The following MTRFR variants were observed in gnomAD, a reference collection of about 807,000 sequenced individuals.
MTRFR encodes mitochondrial translation release factor in rescue.
MTRFR carries 10 observed loss-of-function variants against 11.9 expected under a neutral mutation model. That is an observed-to-expected ratio of 0.84 (90% CI 0.52 to 1.42). The LOEUF is 1.42. Ranked by LOEUF, MTRFR falls within the 40% of genes most tolerant of loss-of-function variation. The probability of loss-of-function intolerance (pLI) is 0.00; values close to 1 mark genes in which losing one functional copy is unlikely to be tolerated. For missense variants in MTRFR, 196 were observed against 197.9 expected, an observed-to-expected ratio of 0.99 and a Z score of 0.06; for synonymous variants, 77 against 79.1, an observed-to-expected ratio of 0.97 and a Z score of 0.14.
At chr12:123,254,083 C>G (rs572975845) in intron 2 of MTRFR, 127 bp downstream of exon 2, 1 of 1,149,816 alleles carries the variant, frequency 8.7e-7, no homozygotes, top group Admixed American at 2.3e-5. Flanking sequence ...CCACCCTCTA[C>G]CAGCCAGGCA....
intron 1 of MTRFR, among the ~76,000 whole-genome samples, chr12:123,234,521 G>A (rs1284242657): frequency 6.6e-6 from 1 of 152,054 alleles, no homozygotes; most frequent in African/African-American, 2.4e-5. Context: ...TCAGCCTCCC[G>A]AGTAGCCGGG....
At chr12:123,245,136 G>A (rs1685627195) in intron 1 of MTRFR, among the ~76,000 whole-genome samples, 3 of 150,708 alleles carry the variant, frequency 2.0e-5, no homozygotes, top group African/African-American at 7.3e-5. Context: ...TTTTGGTAGA[G>A]ACGGGGTTTC....
chr12:123,241,152 GT>G (rs112060198), intron 1 of MTRFR, among the ~76,000 whole-genome samples: 88,169 of 148,898 alleles, frequency 0.59, 30,073 homozygotes, highest in Non-Finnish European at 0.75. Flanking sequence ...TTTTTTTTTT[GT>G]TTTTGTTTTT....
At chr12:123,239,023 C>T (rs1420153558) in intron 1 of MTRFR, among the ~76,000 whole-genome samples, 1 of 152,184 alleles carries the variant, frequency 6.6e-6, no homozygotes, top group Non-Finnish European at 1.5e-5. Context: ...GTAATCCCAG[C>T]ACTTTGGAAG....
intron 1 of MTRFR, chr12:123,248,135 TTAGCAGTTTTTG>T (rs2048067605): frequency 6.6e-6 from 1 of 152,256 alleles, no homozygotes; most frequent in Admixed American, 6.5e-5. Context: ...AGAGCTCCTT[TTAGCAGTTTTTG>T]TAGCAGTGGC....
At chr12:123,239,603 C>T (rs533456854) in intron 1 of MTRFR, among the ~76,000 whole-genome samples, 1 of 152,006 alleles carries the variant, frequency 6.6e-6, no homozygotes, top group African/African-American at 2.4e-5. Flanking sequence ...GGGGTTTCAC[C>T]GTGTTAGCCA....
At chr12:123,254,504 G>A (rs1198021031) in intron 2 of MTRFR, 1 of 160,200 alleles carries the variant, frequency 6.2e-6, no homozygotes, top group Non-Finnish European at 1.4e-5. Context: ...TTTGGTAAAT[G>A]TCGGTGATAC....
intron 2 of MTRFR, chr12:123,254,289 G>A: frequency 3.3e-6 from 1 of 299,606 alleles, no homozygotes; most frequent in South Asian, 4.5e-5. Flanking sequence ...AGCAGTGGCT[G>A]ATAAAGGCAG....
chr12:123,245,869 C>G (rs559790173), intron 1 of MTRFR, among the ~76,000 whole-genome samples: 1 of 152,048 alleles, frequency 6.6e-6, no homozygotes, highest in Non-Finnish European at 1.5e-5. Flanking sequence ...GCTTGACTTC[C>G]TCTTTATGGA....
intron 1 of MTRFR, among the ~76,000 whole-genome samples, chr12:123,246,273 G>C (rs2048038513): frequency 6.6e-6 from 1 of 151,736 alleles, no homozygotes; most frequent in Non-Finnish European, 1.5e-5. Flanking sequence ...GGCTGGTCTT[G>C]AACTCCCAAT....
intron 1 of MTRFR, among the ~76,000 whole-genome samples, chr12:123,243,529 CAAAAAAA>C (rs55817401): frequency 1.0e-4 from 12 of 117,792 alleles, no homozygotes; most frequent in African/African-American, 3.5e-5. Context: ...GACTCCGTCT[CAAAAAAA>C]AAAAAAAAAA....
chr12:123,254,000 G>A (rs1362291843), intron 2 of MTRFR, 44 bp downstream of exon 2: 2 of 1,607,754 alleles, frequency 1.2e-6, no homozygotes, highest in Non-Finnish European at 1.7e-6. Context: ...CCGCCCAAGG[G>A]TTCCACAGCC....
At chr12:123,254,236 G>A (rs2048155671) in intron 2 of MTRFR, 1 of 446,710 alleles carries the variant, frequency 2.2e-6, no homozygotes, top group Non-Finnish European at 4.1e-6. Context: ...AGACAGCACT[G>A]GTGCTTGGCT....
chr12:123,247,414 G>C (rs925326856), intron 1 of MTRFR, among the ~76,000 whole-genome samples: 1 of 152,106 alleles, frequency 6.6e-6, no homozygotes, highest in African/African-American at 2.4e-5. Flanking sequence ...GTCCCTCTTT[G>C]TCTCTTTTAA....
At chr12:123,250,103 G>A (rs1474739608) in intron 1 of MTRFR, 2 of 152,012 alleles carry the variant, frequency 1.3e-5, no homozygotes, top group African/African-American at 2.4e-5. Context: ...TGTTGGATTG[G>A]GTTAATTTGA....
At chr12:123,234,153 T>A (rs916448214) in intron 1 of MTRFR, among the ~76,000 whole-genome samples, 1 of 152,146 alleles carries the variant, frequency 6.6e-6, no homozygotes, top group Admixed American at 6.5e-5. Flanking sequence ...CCCAGCCCAT[T>A]TCATGCGCAC....
intron 1 of MTRFR, among the ~76,000 whole-genome samples, chr12:123,238,276 A>G (rs561928266): frequency 6.6e-6 from 1 of 152,152 alleles, no homozygotes; most frequent in South Asian, 2.1e-4. Context: ...TTCTGGCACC[A>G]CCTGCTGGCC....
intron 2 of MTRFR, among the ~76,000 whole-genome samples, chr12:123,256,050 G>A (rs2048179043): frequency 6.6e-6 from 1 of 152,154 alleles, no homozygotes; most frequent in South Asian, 2.1e-4. Flanking sequence ...ATAGGTGTGA[G>A]CCACTATGCC....
intron 1 of MTRFR, among the ~76,000 whole-genome samples, chr12:123,246,458 TTTTG>T (rs1386811434): frequency 6.6e-5 from 10 of 151,438 alleles, no homozygotes; most frequent in East Asian, 2.0e-4. Context: ...TTTTTTGGTG[TTTTG>T]TTTGTTTTGA....
Sources: gnomAD v4.1 joint callset for allele counts (sites outside exome capture counted in the v4.1 genomes callset) on GRCh38, gnomAD v4.1.1 for gene constraint, MANE v1.5 for transcripts, NCBI Gene and HGNC (gene_info 2026-07-23, HGNC 2026-07-21) for gene names.